The following SUB1 variants were observed in gnomAD, a reference collection of about 807,000 sequenced individuals.
SUB1 encodes activated RNA polymerase II transcriptional coactivator p15.
A neutral mutation model predicts 16.9 loss-of-function variants in SUB1; 1 was observed. That is an observed-to-expected ratio of 0.06 (90% CI 0.02 to 0.28). The LOEUF is 0.28. Ranked by LOEUF, SUB1 falls within the 10% of genes least tolerant of loss-of-function variation. The pLI is 1.00. For synonymous variants in SUB1, 51 were observed against 46.9 expected (o/e 1.09, Z -0.36); for missense variants, 84 against 145.2 (o/e 0.58, Z 2.16).
At chr5:32,598,715 T>G (rs1739041007) in intron 3 of SUB1, 1 of 338,196 alleles carries the variant, frequency 3.0e-6, no homozygotes, top group African/African-American at 2.1e-5. Flanking sequence ...TTCTAGGCTA[T>G]GCAGTTGTTC....
chr5:32,590,785 T>TTTTTG (rs1561033588), intron 2 of SUB1, among the ~76,000 whole-genome samples: 1 of 131,860 alleles, frequency 7.6e-6, no homozygotes, highest in Non-Finnish European at 1.6e-5. Flanking sequence ...TTTTTTTTTT[T>TTTTTG]GAGATGGAGT....
At position 32,600,987 on chromosome 5, in the gene SUB1, T is replaced by G. The variant is rs768804817; in HGVS notation, c.305-18T>G. On this transcript the variant is annotated intron_variant, in intron 4 of 4. Transcript: ENST00000265073. ...CTTAAATAGATTTTCACCTTTGAAT[T>G]TTTAAACTTTGTTTTAGGTATTTCT... The G allele has an allele frequency of 2.5e-6, 4 of 1,605,212 alleles. No individual in the cohort carries two copies. The highest frequency in any genetic ancestry group is 2.2e-5 in the South Asian group (2 of 90,742).
At chr5:32,592,396 T>C (rs1738851175) in intron 3 of SUB1, among the ~76,000 whole-genome samples, 1 of 152,194 alleles carries the variant, frequency 6.6e-6, no homozygotes, top group Non-Finnish European at 1.5e-5. Context: ...AGGAAGTTCA[T>C]TAGAGGGACT....
intron 3 of SUB1, chr5:32,594,460 T>G: frequency 3.1e-6 from 1 of 324,138 alleles, no homozygotes; most frequent in South Asian, 2.4e-5. Flanking sequence ...TTAAGGATAC[T>G]TGATACTTTT....
chr5:32,597,429 C>G (rs576577326), intron 3 of SUB1: 2 of 151,526 alleles, frequency 1.3e-5, no homozygotes, highest in East Asian at 3.8e-4. Flanking sequence ...ATTCCACCCC[C>G]CCTCTCCCAT....
At chr5:32,590,752 C>T (rs567800814) in intron 2 of SUB1, among the ~76,000 whole-genome samples, 43 of 53,802 alleles carry the variant, frequency 8.0e-4, no homozygotes, top group African/African-American at 1.6e-3. Context: ...TGTGCCACCA[C>T]GCCTGGCTAA....
In SUB1 at chr5:32,602,177, T is replaced by C. The variant is rs1466259926; in HGVS notation, c.*1093T>C. 2 of 454,432 alleles carry C rather than the reference T, an allele frequency of 4.4e-6. No individual in the cohort carries two copies. Among genetic ancestry groups the C allele is most frequent in the Non-Finnish European group, 8.8e-6 (2 of 226,316 alleles). 28.1% of individuals were successfully genotyped at this position (454,432 alleles called of 1,614,324 possible). A position where few individuals can be genotyped will look rare whatever the true frequency, so the allele number is the denominator to read the frequency against. ...AGCAGACACTAGTAAGTGGTTTGTA[T>C]TTAACCATACTGATGAAGCAGACAG... On this transcript the variant is annotated 3_prime_UTR_variant, in exon 5 of 5. Transcript: ENST00000265073.
At position 32,588,587 on chromosome 5, in the gene SUB1, G is replaced by A. The variant is rs781182814; in HGVS notation, c.72+3G>A. 1.2e-6 allele frequency: 2 copies of A among 1,612,788 alleles called. No homozygotes were observed. The highest frequency in any genetic ancestry group is 2.7e-5 in the African/African-American group (2 of 74,876). ...CTGACAGTGAGGTTGACAAAAAGGT[G>A]ACTACTGCTGCACCAAGTCATTTTG... On this transcript the variant is annotated splice_donor_region_variant and intron_variant, in intron 2 of 4. Coordinates refer to ENST00000265073, the MANE Select transcript of SUB1 (RefSeq NM_006713.4).
At position 32,597,669 on chromosome 5, in the gene SUB1, A is replaced by C. The variant is rs1185293414; in HGVS notation, c.196-1292A>C. On this transcript the variant is annotated intron_variant, in intron 3 of 4. Transcript: ENST00000265073. ...AGAGTAGTACAGTTGACCCTTGAAC[A>C]ATGCAGGGTCAAAATGCAAGGCACC... The C allele has an allele frequency of 5.3e-5, 8 of 152,342 alleles. No individual in the cohort carries two copies. In the East Asian group the frequency reaches 1.5e-3, roughly 29 times the overall value. The allele number at this position is 152,342 out of a possible 1,614,324, so 9.4% of individuals were successfully genotyped here.
Position 32,602,867 on chromosome 5 carries a change from T to C in SUB1, c.*1783T>C, listed in dbSNP as rs980864625. 6.6e-6 allele frequency: 1 copy of C among 152,248 alleles called. No individual in the cohort carries two copies. Among genetic ancestry groups the C allele is most frequent in the Admixed American group, 6.5e-5 (1 of 15,284 alleles). The allele number at this position is 152,248 out of a possible 1,614,324, so 9.4% of individuals were successfully genotyped here. The stretch of plus-strand genomic sequence containing the variant: ...CTTGATTGGTAACTTCCCTCCTTTT[T>C]TGGGGAACATGTTTGTGTCCTATTA... On this transcript the variant is annotated 3_prime_UTR_variant, in exon 5 of 5. Coordinates refer to ENST00000265073, the MANE Select transcript of SUB1 (RefSeq NM_006713.4).
chr5:32,589,440 A>G (rs1201608334), intron 2 of SUB1, among the ~76,000 whole-genome samples: 1 of 152,160 alleles, frequency 6.6e-6, no homozygotes, highest in African/African-American at 2.4e-5. Context: ...TTCTGCACAT[A>G]AGGTTTTCTG....
chr5:32,585,839 C>T (rs951236794), intron 1 of SUB1: 2 of 152,602 alleles, frequency 1.3e-5, no homozygotes, highest in Non-Finnish European at 2.9e-5. Context: ...CGGTAGACTC[C>T]TGTCCCCGGG....
intron 1 of SUB1, among the ~76,000 whole-genome samples, chr5:32,587,570 A>G (rs1183617676): frequency 6.6e-6 from 1 of 152,174 alleles, no homozygotes; most frequent in African/African-American, 2.4e-5. Flanking sequence ...CCAGAGTAGA[A>G]AAATCTGTGT....
chr5:32,594,135 G>A (rs903477051), intron 3 of SUB1, among the ~76,000 whole-genome samples: 2 of 152,156 alleles, frequency 1.3e-5, no homozygotes, highest in African/African-American at 4.8e-5. Context: ...TTAAAGAGTT[G>A]TACCAAAGAA....
chr5:32,602,803 C>T lies in SUB1; in HGVS notation c.*1719C>T, dbSNP rs748160993. On this transcript the variant is annotated 3_prime_UTR_variant, in exon 5 of 5. Coordinates refer to ENST00000265073, the MANE Select transcript of SUB1 (RefSeq NM_006713.4). ...GCAGCCCCTTGAACCAGAGTAGGTTCAGAGAAACTCCCAAAGTTTGTACTT... is the reference window on the plus strand; with the variant it reads ...GCAGCCCCTTGAACCAGAGTAGGTTTAGAGAAACTCCCAAAGTTTGTACTT... The T allele has an allele frequency of 6.6e-6, 1 of 152,250 alleles. No individual in the cohort carries two copies. The highest frequency in any genetic ancestry group is 2.4e-5 in the African/African-American group (1 of 41,420). 9.4% of individuals were successfully genotyped at this position (152,250 alleles called of 1,614,324 possible).
At chr5:32,594,552 T>G (rs1042187465) in intron 3 of SUB1, 71 of 449,830 alleles carry the variant, frequency 1.6e-4, no homozygotes, top group African/African-American at 1.2e-3. Flanking sequence ...AATTTGAGTT[T>G]TCTTTTTTGT....
intron 2 of SUB1, among the ~76,000 whole-genome samples, chr5:32,589,932 A>G (rs1738774971): frequency 6.6e-6 from 1 of 152,134 alleles, no homozygotes; most frequent in African/African-American, 2.4e-5. Context: ...AGAAGTTGCA[A>G]CCTTAAAGTA....
In SUB1 at chr5:32,587,490, AAGGTTTTGCACCTCCCATAAAT is replaced by A. The variant is rs764630334; in HGVS notation, c.-1-994_-1-973del. ...TACCAGCATGGTAGGAATTTGCGGGAAGGTTTTGCACCTCCCATAAATAGGTTTTGCACCTCCCATAAATAGG... is the reference window on the plus strand; with the variant it reads ...TACCAGCATGGTAGGAATTTGCGGGAAGGTTTTGCACCTCCCATAAATAGG... On this transcript the variant is annotated intron_variant, in intron 1 of 4. Transcript: ENST00000265073. 1.8e-4 allele frequency among the ~76,000 whole-genome samples: 27 copies of A among 152,274 alleles called. 1 individual carries two copies. The highest frequency in any genetic ancestry group is 1.2e-3 in the South Asian group (6 of 4,820).
Position 32,601,087 on chromosome 5 carries a change from T to C in SUB1, c.*3T>C. 1 of 1,610,164 alleles carries C rather than the reference T, an allele frequency of 6.2e-7. No homozygotes were observed. On this transcript the variant is annotated 3_prime_UTR_variant, in exon 5 of 5. Coordinates refer to ENST00000265073, the MANE Select transcript of SUB1 (RefSeq NM_006713.4). Reference sequence around the variant, plus strand: ...ATGATGCAGTAAGAAAACTGTAAAATTCGAGCCATATAAATAAAACCTGTA... The same window carrying C: ...ATGATGCAGTAAGAAAACTGTAAAACTCGAGCCATATAAATAAAACCTGTA...
Sources: gnomAD v4.1 joint callset for allele counts (sites outside exome capture counted in the v4.1 genomes callset) on GRCh38, gnomAD v4.1.1 for gene constraint, MANE v1.5 for transcripts, NCBI Gene and HGNC (gene_info 2026-07-23, HGNC 2026-07-21) for gene names.